RGS20: variants seen among roughly 807,000 people sequenced by gnomAD.
The protein encoded by RGS20 is gz-selective GTPase-activating protein.
Under a neutral mutation model 33.6 loss-of-function variants are expected in RGS20, and 30 were observed. The observed-to-expected ratio is 0.89, with a 90% CI of 0.67 to 1.21. RGS20 has a LOEUF of 1.21. Ranked by LOEUF, RGS20 falls within the 50% of genes most tolerant of loss-of-function variation. The pLI is 0.00. For synonymous variants in RGS20, 208 were observed against 197.9 expected (o/e 1.05, Z -0.43); for missense variants, 472 against 502.4 (o/e 0.94, Z 0.58).
intron 2 of RGS20, among the ~76,000 whole-genome samples, chr8:53,883,025 C>G (rs1014388870): frequency 6.6e-6 from 1 of 152,230 alleles, no homozygotes; most frequent in Admixed American, 6.5e-5. Context: ...TGAAATTACT[C>G]TATCTGTAAG....
At chr8:53,923,074 A>G (rs1318641734) in intron 2 of RGS20, among the ~76,000 whole-genome samples, 1 of 152,174 alleles carries the variant, frequency 6.6e-6, no homozygotes, top group East Asian at 1.9e-4. Context: ...TTTCTCTTAT[A>G]TGTAGCTCCT....
intron 2 of RGS20, among the ~76,000 whole-genome samples, chr8:53,888,135 A>G (rs1396022908): frequency 2.0e-5 from 3 of 152,214 alleles, no homozygotes; most frequent in Non-Finnish European, 4.4e-5. Context: ...ATCTCCTGCC[A>G]TAAAGAAAGG....
rs1485932275 is a variant in RGS20, at chr8:53,890,361, T to C, written c.510+10759T>C. Among the ~76,000 whole-genome samples, 4 of 152,272 alleles carry C rather than the reference T, an allele frequency of 2.6e-5. No homozygotes were observed. In the East Asian group the frequency reaches 7.7e-4, roughly 29 times the overall value. ...GAAATTTCCCATCTTTTCATCAGTT[T>C]AGTCCATCTAATTCTTATCTACTAA... On this transcript the variant is annotated intron_variant, in intron 2 of 5. Transcript: ENST00000297313.
At chr8:53,894,298 A>G (rs1189849019) in intron 2 of RGS20, among the ~76,000 whole-genome samples, 2 of 152,184 alleles carry the variant, frequency 1.3e-5, no homozygotes, top group African/African-American at 4.8e-5. Context: ...CAACATATCT[A>G]CTATTTGACA....
At chr8:53,870,745 G>C (rs112364395) in intron 1 of RGS20, among the ~76,000 whole-genome samples, 2 of 152,116 alleles carry the variant, frequency 1.3e-5, no homozygotes, top group African/African-American at 4.8e-5. Flanking sequence ...ACTCAGCTTT[G>C]TCTCCTGAGG....
intron 1 of RGS20, among the ~76,000 whole-genome samples, chr8:53,865,447 T>A (rs973415520): frequency 6.6e-5 from 10 of 152,346 alleles, no homozygotes; most frequent in Admixed American, 1.3e-4. Context: ...ATTACAAAAG[T>A]GTTAGACATA....
rs573627373 is a variant in RGS20, at chr8:53,929,269, T to C, written c.511-10307T>C. 2.0e-5 allele frequency among the ~76,000 whole-genome samples: 3 copies of C among 152,334 alleles called. No homozygotes were observed. The East Asian group carries it at 5.8e-4, about 29-fold the overall frequency. On this transcript the variant is annotated intron_variant, in intron 2 of 5. Transcript: ENST00000297313. ...TCCCAGGTATACATATGAAAACTTATCAAATTATATACCTTAAACATGTGC... is the reference window on the plus strand; with the variant it reads ...TCCCAGGTATACATATGAAAACTTACCAAATTATATACCTTAAACATGTGC...
At chr8:53,881,971 G>A (rs1812397511) in intron 2 of RGS20, among the ~76,000 whole-genome samples, 2 of 152,180 alleles carry the variant, frequency 1.3e-5, no homozygotes, top group South Asian at 2.1e-4. Context: ...GGCGTTGGAG[G>A]GGAGGGTCTG....
At chr8:53,864,412 G>C (rs1435063152) in intron 1 of RGS20, among the ~76,000 whole-genome samples, 2 of 139,358 alleles carry the variant, frequency 1.4e-5, no homozygotes, top group East Asian at 4.6e-4. Flanking sequence ...CCAGCCTGGC[G>C]ATAGAGCAAG....
intron 3 of RGS20, chr8:53,946,421 T>C: frequency 2.1e-6 from 1 of 469,802 alleles, no homozygotes; most frequent in South Asian, 2.4e-5. Flanking sequence ...CTAAGTATAA[T>C]TGAACACAAT....
chr8:53,880,950 A>G, intron 2 of RGS20: 4 of 1,566,590 alleles, frequency 2.6e-6, no homozygotes, highest in Middle Eastern at 1.7e-4. Flanking sequence ...AGGCGCGGTG[A>G]GCAATCGCCG....
At chr8:53,909,572 A>T (rs1014964421) in intron 2 of RGS20, among the ~76,000 whole-genome samples, 3 of 151,874 alleles carry the variant, frequency 2.0e-5, no homozygotes, top group Non-Finnish European at 2.9e-5. Context: ...TATTTTTTTT[A>T]AAGGCTGTTA....
intron 1 of RGS20, among the ~76,000 whole-genome samples, chr8:53,860,047 T>C (rs1811777246): frequency 6.6e-6 from 1 of 152,186 alleles, no homozygotes; most frequent in South Asian, 2.1e-4. Flanking sequence ...TTATTTCCAT[T>C]CTATGAGAAA....
chr8:53,924,431 A>AC (rs537057864), intron 2 of RGS20, among the ~76,000 whole-genome samples: 176 of 151,258 alleles, frequency 1.2e-3, no homozygotes, highest in African/African-American at 4.1e-3. Context: ...CAAGTGATCT[A>AC]CCCCCCTTGG....
At chr8:53,874,389 TGTG>T (rs1812148101) in intron 1 of RGS20, among the ~76,000 whole-genome samples, 1 of 147,582 alleles carries the variant, frequency 6.8e-6, no homozygotes, top group African/African-American at 2.6e-5. Context: ...TGTGTGTGTG[TGTG>T]TGTGTGTGTG....
At chr8:53,873,552 T>A (rs1006419961) in intron 1 of RGS20, among the ~76,000 whole-genome samples, 3 of 152,226 alleles carry the variant, frequency 2.0e-5, no homozygotes, top group Non-Finnish European at 4.4e-5. Context: ...ATCTATGTCA[T>A]AGCATATATC....
chr8:53,881,324 A>G (rs1182973805), intron 2 of RGS20, among the ~76,000 whole-genome samples: 1 of 151,462 alleles, frequency 6.6e-6, no homozygotes, highest in Non-Finnish European at 1.5e-5. Context: ...CAGGATCAAT[A>G]TGTCCCGGGC....
intron 2 of RGS20, among the ~76,000 whole-genome samples, chr8:53,900,300 C>A (rs1376330103): frequency 2.0e-5 from 3 of 152,084 alleles, no homozygotes; most frequent in African/African-American, 7.2e-5. Context: ...TGCCACCATG[C>A]CTGGCTGATT....
At chr8:53,855,401 G>T (rs930710334) in intron 1 of RGS20, among the ~76,000 whole-genome samples, 3 of 152,178 alleles carry the variant, frequency 2.0e-5, no homozygotes, top group African/African-American at 7.2e-5. Flanking sequence ...TATAGACGTA[G>T]AGAACATATT....
Sources: allele counts gnomAD v4.1 joint callset (sites outside exome capture counted in the v4.1 genomes callset), GRCh38; gene constraint gnomAD v4.1.1; transcripts MANE v1.5; gene names NCBI Gene and HGNC (gene_info 2026-07-23, HGNC 2026-07-21).